Variants in RAB27B observed in about 807,000 individuals in gnomAD.
RAB27B encodes ras-related protein Rab-27B.
Under a neutral mutation model 24.6 loss-of-function variants are expected in RAB27B, and 15 were observed. That is an observed-to-expected ratio of 0.61 (90% CI 0.41 to 0.94). RAB27B has a LOEUF of 0.94. Ranked by LOEUF, RAB27B falls within the 40% of genes least tolerant of loss-of-function variation. The probability of loss-of-function intolerance (pLI) is 0.00; values close to 1 mark genes in which losing one functional copy is unlikely to be tolerated. For synonymous variants in RAB27B, 105 were observed against 92.5 expected, an observed-to-expected ratio of 1.14 and a Z score of -0.78; for missense variants, 261 against 266.8, an observed-to-expected ratio of 0.98 and a Z score of 0.15.
At chr18:54,790,225 G>A (rs972279138) in intron 2 of RAB27B, among the ~76,000 whole-genome samples, 15 of 151,908 alleles carry the variant, frequency 9.9e-5, no homozygotes, top group African/African-American at 1.7e-4. Context: ...ATCAAACTAC[G>A]TGTGAGGTAT....
chr18:54,728,873 C>A (rs1273082375), intron 2 of RAB27B, among the ~76,000 whole-genome samples: 4 of 5,832 alleles, frequency 6.9e-4, no homozygotes, highest in Admixed American at 2.7e-3. Context: ...AAGACTCTGT[C>A]TCAAAAAAAA....
chr18:54,864,765 A>G (rs1193767896), intron 1 of RAB27B, among the ~76,000 whole-genome samples: 1 of 152,068 alleles, frequency 6.6e-6, no homozygotes, highest in Non-Finnish European at 1.5e-5. Context: ...CTATTTGTCT[A>G]TCCTTATGCC....
At chr18:54,804,894 CTT>C (rs145647478) in intron 2 of RAB27B, among the ~76,000 whole-genome samples, 3 of 18,090 alleles carry the variant, frequency 1.7e-4, no homozygotes, top group African/African-American at 3.3e-4. Flanking sequence ...CTTTCTTTCT[CTT>C]TCTCTCTCTC....
chr18:54,835,251 A>G (rs1459909057), intron 1 of RAB27B, among the ~76,000 whole-genome samples: 2 of 152,054 alleles, frequency 1.3e-5, no homozygotes, highest in South Asian at 4.1e-4. Flanking sequence ...GAGGTGCCAC[A>G]TATTGACTCA....
At chr18:54,719,531 A>G (rs1909293694) in intron 2 of RAB27B, among the ~76,000 whole-genome samples, 1 of 152,232 alleles carries the variant, frequency 6.6e-6, no homozygotes, top group South Asian at 2.1e-4. Flanking sequence ...TATCGAAAAC[A>G]TGTTTATATT....
At chr18:54,845,788 T>G in intron 1 of RAB27B, among the ~76,000 whole-genome samples, 1 of 152,206 alleles carries the variant, frequency 6.6e-6, no homozygotes, top group East Asian at 1.9e-4. Context: ...AATATAATAT[T>G]AATTTTGAGA....
At chr18:54,730,809 A>G (rs1346565274) in intron 2 of RAB27B, among the ~76,000 whole-genome samples, 1 of 152,178 alleles carries the variant, frequency 6.6e-6, no homozygotes, top group Non-Finnish European at 1.5e-5. Context: ...CACAACCATG[A>G]GTCAAAATAA....
chr18:54,735,781 C>T (rs1909874329), intron 2 of RAB27B, among the ~76,000 whole-genome samples: 1 of 152,138 alleles, frequency 6.6e-6, no homozygotes, highest in African/African-American at 2.4e-5. Context: ...CTTGGCCTCC[C>T]AAGGTGCTGG....
chr18:54,865,237 T>TTGTGTG (rs3060044), intron 1 of RAB27B, among the ~76,000 whole-genome samples: 13,532 of 143,368 alleles, frequency 0.094, 683 homozygotes, highest in Non-Finnish European at 0.12. Context: ...CAATGGCCTT[T>TTGTGTG]TGTGTGTGTG....
intron 2 of RAB27B, among the ~76,000 whole-genome samples, chr18:54,816,173 T>C (rs558405016): frequency 6.6e-6 from 1 of 152,340 alleles, no homozygotes; most frequent in East Asian, 1.9e-4. Context: ...TTCCTTGTCA[T>C]GGCCAAAAAA....
intron 2 of RAB27B, among the ~76,000 whole-genome samples, chr18:54,766,470 T>C (rs1011327617): frequency 6.6e-6 from 1 of 152,128 alleles, no homozygotes; most frequent in African/African-American, 2.4e-5. Context: ...ATCTCCTTTT[T>C]GTTTTTGTTT....
At chr18:54,728,903 C>CAAAAAAAAAAAAAAAAAAAAAAACAAAA (rs58878407) in intron 2 of RAB27B, among the ~76,000 whole-genome samples, 1 of 68,250 alleles carries the variant, frequency 1.5e-5, no homozygotes. Context: ...AAAAAAAACC[C>CAAAAAAAAAAAAAAAAAAAAAAACAAAA]AAAAAAAAAA....
chr18:54,809,823 T>G lies in RAB27B; in HGVS notation c.-19-67744T>G, dbSNP rs560976147. ...AACAGATCCTACATTAAGATTAATT[T>G]CTTGGAAAATTGGGCTATCCTTTCT... On this transcript the variant is annotated intron_variant, in intron 2 of 4. Transcript: ENST00000586570. 2.0e-3 allele frequency among the ~76,000 whole-genome samples: 303 copies of G among 152,326 alleles called. 5 individuals carry two copies. In the South Asian group the frequency reaches 0.028, roughly 14 times the overall value.
chr18:54,799,690 C>T (rs1000006013), intron 2 of RAB27B, among the ~76,000 whole-genome samples: 11 of 130,712 alleles, frequency 8.4e-5, no homozygotes, highest in Non-Finnish European at 1.5e-4. Flanking sequence ...AGTGCAGTGG[C>T]GTGATCTCGG....
In RAB27B at chr18:54,754,522, C is replaced by A. The variant is rs138212666; in HGVS notation, c.-20+36381C>A. 5.3e-5 allele frequency among the ~76,000 whole-genome samples: 8 copies of A among 152,230 alleles called. No individual in the cohort carries two copies. The East Asian group carries it at 1.5e-3, about 29-fold the overall frequency. On this transcript the variant is annotated intron_variant, in intron 2 of 4. Transcript: ENST00000586570. ...CAAAGTACAGTGAGAAGCAATTGAGCTTTATTGAAAGCTCCTCCATTACAG... is the reference window on the plus strand; with the variant it reads ...CAAAGTACAGTGAGAAGCAATTGAGATTTATTGAAAGCTCCTCCATTACAG...
intron 2 of RAB27B, among the ~76,000 whole-genome samples, chr18:54,765,717 C>T (rs73960606): frequency 6.6e-6 from 1 of 152,104 alleles, no homozygotes; most frequent in Non-Finnish European, 1.5e-5. Context: ...CTCCTTCTTC[C>T]TTTCCTTTCC....
chr18:54,742,564 T>C (rs1271550651), intron 2 of RAB27B, among the ~76,000 whole-genome samples: 1 of 152,216 alleles, frequency 6.6e-6, no homozygotes, highest in African/African-American at 2.4e-5. Flanking sequence ...TTCATTTCTG[T>C]GTTTTGCCTC....
rs1445572116 is a variant in RAB27B, at chr18:54,892,969, G to A, written c.*3556G>A. Reference sequence around the variant, plus strand: ...TGAGTACATTAAAAATAATTTAATAGCCACAATATGATGTTCTTTAAGCTG... The same window carrying A: ...TGAGTACATTAAAAATAATTTAATAACCACAATATGATGTTCTTTAAGCTG... On this transcript the variant is annotated 3_prime_UTR_variant, in exon 6 of 6. Coordinates refer to ENST00000262094, the MANE Select transcript of RAB27B (RefSeq NM_004163.4). 1.3e-5 allele frequency: 2 copies of A among 151,926 alleles called. No individual in the cohort carries two copies. Among genetic ancestry groups the A allele is most frequent in the East Asian group, 3.9e-4 (2 of 5,186 alleles). 9.4% of individuals were successfully genotyped at this position (151,926 alleles called of 1,614,324 possible). A position where few individuals can be genotyped will look rare whatever the true frequency, so the allele number is the denominator to read the frequency against.
At chr18:54,806,938 C>T (rs1465235910) in intron 2 of RAB27B, among the ~76,000 whole-genome samples, 2 of 152,042 alleles carry the variant, frequency 1.3e-5, no homozygotes, top group Non-Finnish European at 1.5e-5. Flanking sequence ...GATGGAGTCT[C>T]ACTGTGTGTC....
Sources: allele counts gnomAD v4.1 joint callset (sites outside exome capture counted in the v4.1 genomes callset), GRCh38; gene constraint gnomAD v4.1.1; transcripts MANE v1.5; gene names NCBI Gene and HGNC (gene_info 2026-07-23, HGNC 2026-07-21).